Variants in ZNG1E observed in about 807,000 individuals in gnomAD.
ZNG1E encodes Zn regulated GTPase metalloprotein activator 1E, also known as zinc-regulated GTPase metalloprotein activator 1E.
the ZNG1E span, chr9:65,677,378 T>A: frequency 1.1e-6 from 1 of 930,250 alleles, no homozygotes; most frequent in Non-Finnish European, 1.6e-6. Flanking sequence ...TATTACATTT[T>A]TCTTCTGATT....
chr9:65,665,276 G>A, the ZNG1E span, among the ~76,000 whole-genome samples: 271 of 152,040 alleles, frequency 1.8e-3, no homozygotes, highest in African/African-American at 6.3e-3. Context: ...TTCGTGGGCT[G>A]GGCCCAGGGT....
chr9:65,662,376 G>C, the ZNG1E span, among the ~76,000 whole-genome samples: 1 of 152,224 alleles, frequency 6.6e-6, no homozygotes, highest in Non-Finnish European at 1.5e-5. Flanking sequence ...ACAGGTCTTC[G>C]GTGGGACAAC....
At chr9:65,710,494 C>T in the ZNG1E span, among the ~76,000 whole-genome samples, 830 of 151,024 alleles carry the variant, frequency 5.5e-3, no homozygotes, top group African/African-American at 0.019. Flanking sequence ...TTAGGTCAAA[C>T]GTTTAAGTCT....
chr9:65,672,449 T>TAAAAAA, the ZNG1E span, among the ~76,000 whole-genome samples: 5 of 143,014 alleles, frequency 3.5e-5, no homozygotes, highest in Non-Finnish European at 6.1e-5. Context: ...TCTTATAAGT[T>TAAAAAA]AAAAAAAAAA....
the ZNG1E span, among the ~76,000 whole-genome samples, chr9:65,672,479 C>T: frequency 1.3e-5 from 2 of 149,656 alleles, no homozygotes; most frequent in African/African-American, 2.5e-5. Context: ...GGCACAGTGG[C>T]TCACGCCTGT....
At chr9:65,678,093 G>A in the ZNG1E span, among the ~76,000 whole-genome samples, 4,973 of 127,874 alleles carry the variant, frequency 0.039, 3 homozygotes, top group East Asian at 0.054. Flanking sequence ...ATGTCTTAAA[G>A]TGTTTTTTTT....
At chr9:65,691,129 A>G in the ZNG1E span, 4 of 1,498,784 alleles carry the variant, frequency 2.7e-6, no homozygotes, top group East Asian at 4.6e-5. Flanking sequence ...ACTGGAGTGC[A>G]TGGAGTGCAG....
the ZNG1E span, chr9:65,708,475 C>T: frequency 7.9e-6 from 2 of 253,578 alleles, no homozygotes; most frequent in Admixed American, 5.3e-5. Flanking sequence ...TTTGACTCCT[C>T]ATTTTTATAT....
chr9:65,660,182 G>A, the ZNG1E span, among the ~76,000 whole-genome samples: 14 of 136,486 alleles, frequency 1.0e-4, no homozygotes, highest in East Asian at 7.9e-4. Flanking sequence ...ACACAGAGCA[G>A]ATCACAAGAC....
the ZNG1E span, among the ~76,000 whole-genome samples, chr9:65,667,056 G>A: frequency 6.6e-6 from 1 of 152,252 alleles, no homozygotes; most frequent in Non-Finnish European, 1.5e-5. Context: ...CCTGACCTCA[G>A]GTGATCCACC....
At chr9:65,681,801 A>G in the ZNG1E span, 1 of 1,516,558 alleles carries the variant, frequency 6.6e-7, no homozygotes, top group African/African-American at 1.4e-5. Flanking sequence ...ACAAATAGAA[A>G]ATAAACTTAT....
the ZNG1E span, chr9:65,707,946 A>C: frequency 6.8e-6 from 1 of 147,998 alleles, no homozygotes; most frequent in Non-Finnish European, 1.5e-5. Flanking sequence ...TGCAACCTCC[A>C]CTTCCTGGGT....
the ZNG1E span, among the ~76,000 whole-genome samples, chr9:65,686,715 T>G: frequency 1.3e-5 from 2 of 152,274 alleles, no homozygotes; most frequent in South Asian, 4.1e-4. Context: ...CTACATCTTC[T>G]AGGTAGTTTA....
chr9:65,691,216 G>T, the ZNG1E span, among the ~76,000 whole-genome samples: 6,074 of 135,210 alleles, frequency 0.045, 2 homozygotes, highest in South Asian at 0.11. Context: ...CCGAGTAGCT[G>T]GGACTACAGG....
the ZNG1E span, among the ~76,000 whole-genome samples, chr9:65,658,687 A>G: frequency 6.8e-6 from 1 of 148,146 alleles, no homozygotes. Flanking sequence ...ACAAAACACC[A>G]CAGACTGGGT....
At chr9:65,677,078 TG>T in the ZNG1E span, 2 of 1,487,870 alleles carry the variant, frequency 1.3e-6, no homozygotes, top group Non-Finnish European at 1.8e-6. Context: ...TCTCGTTTTT[TG>T]CTCGGAAGTA....
the ZNG1E span, among the ~76,000 whole-genome samples, chr9:65,665,417 T>G: frequency 6.6e-6 from 1 of 152,268 alleles, no homozygotes; most frequent in African/African-American, 2.4e-5. Flanking sequence ...CACATGGCTT[T>G]GAGCCTGCGG....
the ZNG1E span, among the ~76,000 whole-genome samples, chr9:65,663,109 A>C: frequency 5.9e-5 from 9 of 152,252 alleles, no homozygotes; most frequent in African/African-American, 1.7e-4. Flanking sequence ...AATGTTTATC[A>C]GATGAGTGCT....
the ZNG1E span, among the ~76,000 whole-genome samples, chr9:65,684,578 A>G: frequency 1.3e-5 from 2 of 150,366 alleles, no homozygotes; most frequent in East Asian, 4.2e-4. Context: ...ACATTCATAC[A>G]CACACACACA....
Sources: allele counts gnomAD v4.1 joint callset (sites outside exome capture counted in the v4.1 genomes callset), GRCh38; gene constraint gnomAD v4.1.1; transcripts MANE v1.5; gene names NCBI Gene and HGNC (gene_info 2026-07-23, HGNC 2026-07-21).